The following DNAH14 variants were observed in gnomAD, a reference collection of about 807,000 sequenced individuals.
DNAH14 encodes the protein dynein axonemal heavy chain 14.
In DNAH14, 478 loss-of-function variants were observed where a neutral mutation model predicts 520.9. The observed-to-expected ratio is 0.92, with a 90% confidence interval of 0.85 to 0.99. DNAH14 has a LOEUF of 0.99. Among genes scored for constraint, DNAH14 ranks in the 50% least tolerant of loss-of-function variants. The pLI, the probability that DNAH14 is intolerant of heterozygous loss-of-function variation, is 0.00. For missense variants in DNAH14, 4,831 were observed against 5,234.5 expected (o/e 0.92, Z 2.38); for synonymous variants, 1,581 against 1,757.2 (o/e 0.90, Z 2.51).
At position 225,025,052 on chromosome 1, in the gene DNAH14, T is replaced by C. The variant is rs1303132975; in HGVS notation, c.1358+1187T>C. Among the ~76,000 whole-genome samples the C allele has an allele frequency of 3.9e-5, 6 of 152,200 alleles. No individual in the cohort carries two copies. The East Asian group carries it at 1.2e-3, about 29-fold the overall frequency. On this transcript the variant is annotated intron_variant, in intron 11 of 85. Transcript: ENST00000682510. ...TTTTTTATGTTACAGGAATAATATA[T>C]ATAGGTCAGGCACAGTGGCTCACAC... is the stretch of plus-strand genomic sequence containing the variant.
At chr1:225,137,283 T>TCTTTGAGGTTGCTGAC (rs2079029304) in intron 27 of DNAH14, among the ~76,000 whole-genome samples, 1 of 152,186 alleles carries the variant, frequency 6.6e-6, no homozygotes, top group South Asian at 2.1e-4. Context: ...CTACCTTTGA[T>TCTTTGAGGTTGCTGAC]CTTTGAGGTT....
intron 41 of DNAH14, among the ~76,000 whole-genome samples, chr1:225,230,715 G>A (rs962135552): frequency 3.9e-5 from 6 of 152,170 alleles, no homozygotes; most frequent in East Asian, 1.9e-4. Flanking sequence ...TATGAGGGCC[G>A]ATTTATTGTT....
intron 53 of DNAH14, among the ~76,000 whole-genome samples, chr1:225,276,864 T>C (rs796143696): frequency 5.4e-5 from 8 of 148,986 alleles, no homozygotes; most frequent in African/African-American, 2.0e-4. Flanking sequence ...GAGGCTGCAG[T>C]GAGCCGTGAT....
At chr1:225,115,788 T>G (rs894493994) in intron 23 of DNAH14, among the ~76,000 whole-genome samples, 3 of 152,244 alleles carry the variant, frequency 2.0e-5, no homozygotes, top group Non-Finnish European at 4.4e-5. Flanking sequence ...CATTTATTCA[T>G]GTATTGAGCA....
chr1:225,111,843 TATC>T (rs2076504637), intron 23 of DNAH14, among the ~76,000 whole-genome samples: 1 of 152,146 alleles, frequency 6.6e-6, no homozygotes, highest in Non-Finnish European at 1.5e-5. Flanking sequence ...TTGCAAATAA[TATC>T]ATGTAACTGT....
At chr1:225,106,242 G>A (rs569450110) in intron 23 of DNAH14, among the ~76,000 whole-genome samples, 4 of 151,692 alleles carry the variant, frequency 2.6e-5, no homozygotes, top group Admixed American at 6.6e-5. Context: ...AGTTTCTGCC[G>A]AGAGACCAGC....
chr1:225,169,058 AGC>A (rs2082331110), intron 36 of DNAH14, among the ~76,000 whole-genome samples: 1 of 152,220 alleles, frequency 6.6e-6, no homozygotes, highest in Admixed American at 6.5e-5. Flanking sequence ...ATGGACCTCC[AGC>A]AAAATCCAAC....
intron 10 of DNAH14, 53 bp from the exon 11 acceptor site, chr1:225,023,562 T>C: frequency 7.2e-7 from 1 of 1,386,438 alleles, no homozygotes; most frequent in East Asian, 2.6e-5. Context: ...GAAATCATGC[T>C]ATATTAACAA....
At chr1:225,366,785 G>A (rs2095557981) in intron 76 of DNAH14, among the ~76,000 whole-genome samples, 1 of 148,988 alleles carries the variant, frequency 6.7e-6, no homozygotes, top group Non-Finnish European at 1.5e-5. Flanking sequence ...TCCAGGGGTT[G>A]TAAAAACCTA....
intron 28 of DNAH14, among the ~76,000 whole-genome samples, chr1:225,142,394 A>T (rs1235280084): frequency 6.6e-6 from 1 of 152,224 alleles, no homozygotes; most frequent in Non-Finnish European, 1.5e-5. Flanking sequence ...TACAACATCT[A>T]TCAGACACCA....
chr1:225,117,725 C>G lies in DNAH14; in HGVS notation c.3909C>G (p.Tyr1303Ter), dbSNP rs1298594724. The G allele has an allele frequency of 5.8e-6, 9 of 1,550,134 alleles. No individual in the cohort carries two copies. In the East Asian group the frequency reaches 1.7e-4, roughly 29 times the overall value. The change falls in exon 24 of 86, where the codon TAC becomes TAG. Residue 1303 changes from tyrosine to a stop codon, truncating the protein, a stop_gained. Coordinates refer to ENST00000682510, the MANE Select transcript of DNAH14 (RefSeq NM_001367479.1). LOFTEE classifies it high-confidence loss of function. ...EVKRLIFPRFYFLSNAELLDI... is the reference protein window; with the variant it reads ...EVKRLIFPRF ...AAAGATTAATTTTCCCAAGATTTTA[C>G]TTTCTTAGCAATGCCGAGCTTCTTG...
intron 43 of DNAH14, among the ~76,000 whole-genome samples, chr1:225,241,954 T>C (rs1188993489): frequency 6.6e-6 from 1 of 152,208 alleles, no homozygotes. Flanking sequence ...CTGTGTGCAG[T>C]AGCCCATGCC....
chr1:225,029,236 A>G (rs2066358640), intron 11 of DNAH14, among the ~76,000 whole-genome samples: 1 of 152,070 alleles, frequency 6.6e-6, no homozygotes. Flanking sequence ...GGAAGGGCAG[A>G]AATCAAGTCA....
chr1:225,079,560 G>A lies in DNAH14; in HGVS notation c.2766+12G>A. Reference sequence around the variant, plus strand: ...ATTTAAAAGCCAAGGTAAGTTTTTAGGGTTTTTTTGGATTTTTTTTTTATT... The same window carrying A: ...ATTTAAAAGCCAAGGTAAGTTTTTAAGGTTTTTTTGGATTTTTTTTTTATT... On this transcript the variant is annotated intron_variant, in intron 18 of 85. Coordinates refer to ENST00000682510, the MANE Select transcript of DNAH14 (RefSeq NM_001367479.1). The A allele has an allele frequency of 6.7e-7, 1 of 1,495,256 alleles. No homozygotes were observed. Among genetic ancestry groups the A allele is most frequent in the South Asian group, 1.4e-5 (1 of 73,990 alleles). The allele number at this position is 1,495,256 out of a possible 1,614,324, so 92.6% of individuals were successfully genotyped here.
At chr1:225,021,780 A>T (rs2065718553) in intron 10 of DNAH14, among the ~76,000 whole-genome samples, 2 of 152,308 alleles carry the variant, frequency 1.3e-5, no homozygotes, top group South Asian at 2.1e-4. Context: ...TCAAAAAAAA[A>T]ACTATTCTAA....
chr1:225,102,858 G>A lies in DNAH14; in HGVS notation c.3867+1974G>A, dbSNP rs181935823. 2.1e-3 allele frequency among the ~76,000 whole-genome samples: 323 copies of A among 151,508 alleles called. 1 individual carries two copies. Among genetic ancestry groups the A allele is most frequent in the Middle Eastern group, 3.4e-3 (1 of 294 alleles). Reference sequence around the variant, plus strand: ...TGTAGGTTGCCTGTTCACTCTGATGGTATTTCTTTTGCTGTGCAGAAGCTC... The same window carrying A: ...TGTAGGTTGCCTGTTCACTCTGATGATATTTCTTTTGCTGTGCAGAAGCTC... On this transcript the variant is annotated intron_variant, in intron 23 of 85. Coordinates refer to ENST00000682510, the MANE Select transcript of DNAH14 (RefSeq NM_001367479.1).
rs754154712 is a variant in DNAH14, at chr1:225,276,079, G to T, written c.8176G>T (p.Glu2726Ter). 2.9e-6 allele frequency: 1 copy of T among 342,414 alleles called. No homozygotes were observed. Among genetic ancestry groups the T allele is most frequent in the South Asian group, 2.7e-5 (1 of 36,666 alleles). The allele number at this position is 342,414 out of a possible 1,614,324, so 21.2% of individuals were successfully genotyped here. Reference protein sequence around the residue: ...FQMKLGSISLELSHSMVFFKE... With the variant: ...FQMKLGSISL ...AATGAAGTTGGGTTCAATTTCTTTG[G>T]AGGTAAACATATATACTATATAAAA... Residue 2726 changes from glutamate (E) to a stop codon, truncating the protein, a stop_gained and splice_region_variant, in exon 53 of 86, where the codon GAG (glutamate) becomes TAG (stop). Coordinates refer to ENST00000682510, the MANE Select transcript of DNAH14 (RefSeq NM_001367479.1). LOFTEE classifies it high-confidence loss of function.
At chr1:225,280,335 T>C (rs945047716) in intron 54 of DNAH14, among the ~76,000 whole-genome samples, 1 of 152,018 alleles carries the variant, frequency 6.6e-6, no homozygotes, top group Non-Finnish European at 1.5e-5. Flanking sequence ...TGCGGTGGCT[T>C]ACACCTGTAA....
chr1:224,996,245 C>A (rs2063382872), intron 8 of DNAH14, among the ~76,000 whole-genome samples: 1 of 151,952 alleles, frequency 6.6e-6, no homozygotes, highest in Non-Finnish European at 1.5e-5. Flanking sequence ...ACAGTCTCAA[C>A]CTCCTGGGCT....
Sources: gnomAD v4.1 joint callset for allele counts (sites outside exome capture counted in the v4.1 genomes callset) on GRCh38, gnomAD v4.1.1 for gene constraint, MANE v1.5 for transcripts, NCBI Gene and HGNC (gene_info 2026-07-23, HGNC 2026-07-21) for gene names.